The following UBTD1 variants were observed in gnomAD, a reference collection of about 807,000 sequenced individuals.
UBTD1 encodes the protein ubiquitin domain containing 1.
Under a neutral mutation model 21.7 loss-of-function variants are expected in UBTD1, and 19 were observed. The observed-to-expected ratio is 0.87, with a 90% CI of 0.61 to 1.28. The LOEUF (loss-of-function observed/expected upper bound fraction) is 1.28, where lower values mean the gene tolerates loss of function less well. Ranked by LOEUF, UBTD1 falls within the 50% of genes most tolerant of loss-of-function variation. The pLI is 0.00. For synonymous variants in UBTD1, 116 were observed against 135.1 expected (o/e 0.86, Z 0.98); for missense variants, 282 against 315.1 (o/e 0.89, Z 0.80).
At position 97,499,234 on chromosome 10, in the gene UBTD1, G is replaced by C. The variant is rs527780292; in HGVS notation, c.31G>C (p.Glu11Gln). 12 of 1,548,476 alleles carry C rather than the reference G, an allele frequency of 7.7e-6. No individual in the cohort carries two copies. Among genetic ancestry groups the C allele is most frequent in the East Asian group, 4.9e-5 (2 of 40,716 alleles). ...CAACTGCGTGGGGAGACAGCGCCGG[G>C]AGAGGCCGGCAGCCCCGGGACACCC... MGNCVGRQRR[E>Q]RPAAPGHPRK... The change falls in exon 1 of 3, where the codon GAG (glutamate) becomes CAG (glutamine). Residue 11 changes from glutamate to glutamine, a missense_variant. By Grantham distance (29) the Glu-to-Gln change is conservative. Transcript: ENST00000370664.
At chr10:97,527,463 T>G (rs2040495071) in intron 1 of UBTD1, among the ~76,000 whole-genome samples, 1 of 151,518 alleles carries the variant, frequency 6.6e-6, no homozygotes, top group African/African-American at 2.4e-5. Flanking sequence ...ATTTATTTAT[T>G]TATTTATTTT....
chr10:97,560,660 C>T (rs1252340568), intron 1 of UBTD1, among the ~76,000 whole-genome samples: 1 of 152,122 alleles, frequency 6.6e-6, no homozygotes, highest in African/African-American at 2.4e-5. Flanking sequence ...TAATGCTGGC[C>T]AGTCTATTTC....
At chr10:97,554,467 G>T (rs1359466356) in intron 1 of UBTD1, among the ~76,000 whole-genome samples, 1 of 151,858 alleles carries the variant, frequency 6.6e-6, no homozygotes, top group African/African-American at 2.4e-5. Context: ...GGCTGGTCTC[G>T]AACTCCTGGA....
intron 1 of UBTD1, among the ~76,000 whole-genome samples, chr10:97,536,373 C>G (rs1302162174): frequency 1.3e-5 from 2 of 152,130 alleles, no homozygotes; most frequent in Non-Finnish European, 2.9e-5. Flanking sequence ...GTCCTTTAGT[C>G]CCCCAGTGGT....
At chr10:97,531,340 A>C (rs1276963460) in intron 1 of UBTD1, among the ~76,000 whole-genome samples, 1 of 151,412 alleles carries the variant, frequency 6.6e-6, no homozygotes, top group East Asian at 1.9e-4. Flanking sequence ...CCTCCTGAGC[A>C]GCTGGGATTA....
At chr10:97,511,173 T>A (rs2040421902) in intron 1 of UBTD1, among the ~76,000 whole-genome samples, 2 of 152,178 alleles carry the variant, frequency 1.3e-5, no homozygotes, top group Admixed American at 1.3e-4. Context: ...AAATTGCTGT[T>A]CGATTTCTTG....
intron 1 of UBTD1, among the ~76,000 whole-genome samples, chr10:97,557,784 AG>A (rs1001757432): frequency 2.5e-4 from 38 of 152,174 alleles, no homozygotes; most frequent in Admixed American, 2.3e-3. Context: ...AACACACATC[AG>A]GTTGGTTATT....
intron 1 of UBTD1, among the ~76,000 whole-genome samples, chr10:97,542,729 C>T (rs1175578297): frequency 1.3e-5 from 2 of 152,208 alleles, no homozygotes; most frequent in Admixed American, 6.5e-5. Flanking sequence ...GTGGGATTAT[C>T]CTCTGGGCAG....
intron 1 of UBTD1, among the ~76,000 whole-genome samples, chr10:97,546,231 T>C (rs1267471310): frequency 6.6e-6 from 1 of 152,178 alleles, no homozygotes; most frequent in Non-Finnish European, 1.5e-5. Flanking sequence ...TCTCCATCAC[T>C]GAGCTCCAAG....
chr10:97,515,488 C>T (rs1395840945), intron 1 of UBTD1, among the ~76,000 whole-genome samples: 1 of 152,184 alleles, frequency 6.6e-6, no homozygotes, highest in Non-Finnish European at 1.5e-5. Flanking sequence ...GTAACAGAAA[C>T]CAACTGAATC....
Position 97,535,987 on chromosome 10 carries a change from A to ATTG in UBTD1, c.71-31925_71-31924insGTT, listed in dbSNP as rs1195035639. Among the ~76,000 whole-genome samples, 8 of 145,444 alleles carry ATTG rather than the reference A, an allele frequency of 5.5e-5. No individual in the cohort carries two copies. The South Asian group carries it at 6.6e-4, about 12-fold the overall frequency. ...GAGAGAAATTATTATTATTATTATT[A>ATTG]TTATTATTATTATTATTATTTCGAG... On this transcript the variant is annotated intron_variant, in intron 1 of 2. Coordinates refer to ENST00000370664, the MANE Select transcript of UBTD1 (RefSeq NM_024954.5).
intron 1 of UBTD1, among the ~76,000 whole-genome samples, chr10:97,507,877 C>T (rs75511404): frequency 6.6e-6 from 1 of 151,518 alleles, no homozygotes; most frequent in Non-Finnish European, 1.5e-5. Flanking sequence ...ACAGGGATGA[C>T]TCCTCGTTTG....
intron 1 of UBTD1, among the ~76,000 whole-genome samples, chr10:97,510,821 A>T (rs1302976404): frequency 1.3e-5 from 2 of 152,188 alleles, no homozygotes; most frequent in African/African-American, 4.8e-5. Flanking sequence ...AGCTTGAATC[A>T]ACTCTCATTA....
At chr10:97,515,308 A>G (rs1410031988) in intron 1 of UBTD1, among the ~76,000 whole-genome samples, 1 of 152,234 alleles carries the variant, frequency 6.6e-6, no homozygotes, top group Non-Finnish European at 1.5e-5. Context: ...CATTTTATAG[A>G]GAGAGTATTT....
chr10:97,531,155 G>A (rs1375244634), intron 1 of UBTD1, among the ~76,000 whole-genome samples: 1 of 151,148 alleles, frequency 6.6e-6, no homozygotes, highest in Non-Finnish European at 1.5e-5. Flanking sequence ...CCAAAGTGCT[G>A]GGATTACAGG....
chr10:97,499,086 G>A lies in UBTD1; in HGVS notation c.-118G>A. 1.7e-6 allele frequency: 2 copies of A among 1,171,234 alleles called. No individual in the cohort carries two copies. Among genetic ancestry groups the A allele is most frequent in the Non-Finnish European group, 2.3e-6 (2 of 856,318 alleles). 72.6% of individuals were successfully genotyped at this position (1,171,234 alleles called of 1,614,324 possible). On this transcript the variant is annotated 5_prime_UTR_variant, in exon 1 of 3. Coordinates refer to ENST00000370664, the MANE Select transcript of UBTD1 (RefSeq NM_024954.5). ...CTGGGGCTGAGCGCGCCCCCGGGGG[G>A]AGATCGGGGAGCGCCCGATGCCGGG...
chr10:97,536,656 C>T (rs1355348147), intron 1 of UBTD1, among the ~76,000 whole-genome samples: 2 of 152,148 alleles, frequency 1.3e-5, no homozygotes. Context: ...TCAGCTTATC[C>T]TGCCGGCCTG....
At chr10:97,533,963 G>A (rs1186289883) in intron 1 of UBTD1, among the ~76,000 whole-genome samples, 3 of 151,158 alleles carry the variant, frequency 2.0e-5, no homozygotes, top group South Asian at 2.1e-4. Flanking sequence ...CATCAGACTC[G>A]CCTTGGGAGG....
At chr10:97,502,320 T>C (rs980813266) in intron 1 of UBTD1, among the ~76,000 whole-genome samples, 1 of 152,156 alleles carries the variant, frequency 6.6e-6, no homozygotes, top group Non-Finnish European at 1.5e-5. Context: ...AAGGAATCCT[T>C]CTTAACTCCA....
Sources: allele counts gnomAD v4.1 joint callset (sites outside exome capture counted in the v4.1 genomes callset), GRCh38; gene constraint gnomAD v4.1.1; transcripts MANE v1.5; gene names NCBI Gene and HGNC (gene_info 2026-07-23, HGNC 2026-07-21).